The following CNTN5 variants were observed in gnomAD, a reference collection of about 807,000 sequenced individuals.
CNTN5 encodes contactin-5.
Under a neutral mutation model 129.1 loss-of-function variants are expected in CNTN5, and 77 were observed. The observed-to-expected ratio is 0.60, with a 90% CI of 0.50 to 0.72. CNTN5 has a LOEUF of 0.72. Among genes scored for constraint, CNTN5 ranks in the 30% least tolerant of loss-of-function variants. The pLI is 0.00. For missense variants in CNTN5, 1,478 were observed against 1,328.8 expected, an observed-to-expected ratio of 1.11 and a Z score of -1.75; for synonymous variants, 509 against 465.6, an observed-to-expected ratio of 1.09 and a Z score of -1.20.
intron 23 of CNTN5, among the ~76,000 whole-genome samples, chr11:100,345,018 T>C (rs1036657131): frequency 6.6e-5 from 10 of 152,126 alleles, no homozygotes; most frequent in Non-Finnish European, 1.5e-4. Context: ...ACTATAGAAA[T>C]AGCACAAGAT....
Position 99,135,590 on chromosome 11 carries a change from G to A in CNTN5, c.-210+114320G>A, listed in dbSNP as rs550083935. On this transcript the variant is annotated intron_variant, in intron 1 of 24. Coordinates refer to ENST00000524871, the MANE Select transcript of CNTN5 (RefSeq NM_014361.4). ...ATTTGGATTCTAAGTGCAATAGAAAGCCCTTTAAGATCTACCTTGCATAAT... is the reference window on the plus strand; with the variant it reads ...ATTTGGATTCTAAGTGCAATAGAAAACCCTTTAAGATCTACCTTGCATAAT... Among the ~76,000 whole-genome samples, 30 of 151,892 alleles carry A rather than the reference G, an allele frequency of 2.0e-4. No homozygotes were observed. In the East Asian group the frequency reaches 5.9e-3, roughly 30 times the overall value.
chr11:100,219,756 T>A (rs914845371), intron 15 of CNTN5, among the ~76,000 whole-genome samples: 1 of 152,216 alleles, frequency 6.6e-6, no homozygotes, highest in Non-Finnish European at 1.5e-5. Context: ...ATAATACACA[T>A]AAATGTTTTG....
chr11:99,819,752 C>T lies in CNTN5; in HGVS notation c.264C>T (p.Ala88=). 6.4e-7 allele frequency: 1 copy of T among 1,570,468 alleles called. No individual in the cohort carries two copies. Among genetic ancestry groups the T allele is most frequent in the South Asian group, 1.1e-5 (1 of 87,912 alleles). Residue 88 remains alanine, a synonymous_variant, in exon 4 of 25, where the codon GCC becomes GCT. Transcript: ENST00000524871. The stretch of plus-strand genomic sequence containing the variant: ...TCAATCTTTATCATTCCTCAGATGC[C>T]TTCAAACAAGATGGTAAGTGTCAAA... ...SPINLYHSSD[A]FKQDESVDYG... is the part of the protein sequence containing the mutation.
chr11:99,868,109 G>A (rs1021732057), intron 6 of CNTN5, among the ~76,000 whole-genome samples: 3 of 151,896 alleles, frequency 2.0e-5, no homozygotes, highest in Non-Finnish European at 2.9e-5. Context: ...CCAGCTACTC[G>A]GGAAGATGAG....
intron 7 of CNTN5, among the ~76,000 whole-genome samples, chr11:99,940,342 G>A (rs558251921): frequency 6.6e-6 from 1 of 152,202 alleles, no homozygotes; most frequent in East Asian, 1.9e-4. Context: ...AGAGATTGCT[G>A]ACTCTTTGAA....
At chr11:99,329,171 G>T (rs1865906448) in intron 2 of CNTN5, among the ~76,000 whole-genome samples, 1 of 152,098 alleles carries the variant, frequency 6.6e-6, no homozygotes, top group South Asian at 2.1e-4. Context: ...AACTGAATTT[G>T]CCCAAAGCAA....
chr11:99,559,186 C>T (rs1449027747), intron 3 of CNTN5, among the ~76,000 whole-genome samples: 3 of 152,040 alleles, frequency 2.0e-5, no homozygotes, highest in Non-Finnish European at 2.9e-5. Context: ...CTATTTGGCA[C>T]ACTGAGTTAA....
At chr11:99,383,771 G>A (rs1173112963) in intron 2 of CNTN5, among the ~76,000 whole-genome samples, 3 of 152,072 alleles carry the variant, frequency 2.0e-5, no homozygotes, top group Non-Finnish European at 4.4e-5. Context: ...GCTTTACCCT[G>A]GGTTTTTCCA....
At chr11:100,224,848 C>A (rs1949339342) in intron 16 of CNTN5, 36 bp downstream of exon 16, 1 of 1,606,690 alleles carries the variant, frequency 6.2e-7, no homozygotes, top group Non-Finnish European at 8.5e-7. Flanking sequence ...AAGACATGAT[C>A]ACCATAAATT....
rs5794033 is a variant in CNTN5, at chr11:99,995,326, TA to T, written c.878-6697del. Among the ~76,000 whole-genome samples the T allele has an allele frequency of 8.1e-3, 1,200 of 147,818 alleles. 13 individuals carry two copies. The highest frequency in any genetic ancestry group is 8.9e-3 in the Non-Finnish European group (591 of 66,642). ...ATTTTTTTCTCCTTTGCCAAAAAAT[TA>T]AAAAAAAAAACAATAAATACCACAA... On this transcript the variant is annotated intron_variant, in intron 8 of 24. Transcript: ENST00000524871.
At chr11:100,202,910 G>A (rs1948816922) in intron 15 of CNTN5, among the ~76,000 whole-genome samples, 1 of 152,044 alleles carries the variant, frequency 6.6e-6, no homozygotes. Flanking sequence ...TGCCATGAAC[G>A]ATGTTCCAAA....
chr11:99,493,629 C>CAT (rs1316078984), intron 2 of CNTN5, among the ~76,000 whole-genome samples: 1 of 152,090 alleles, frequency 6.6e-6, no homozygotes, highest in Admixed American at 6.6e-5. Flanking sequence ...AAAACAAATA[C>CAT]ATATATAATA....
At chr11:100,340,011 A>T (rs549564506) in intron 21 of CNTN5, among the ~76,000 whole-genome samples, 1 of 152,282 alleles carries the variant, frequency 6.6e-6, no homozygotes, top group Admixed American at 6.5e-5. Flanking sequence ...TTCTCCATTA[A>T]ACTGATACAG....
chr11:100,077,958 G>T (rs1591192557), intron 13 of CNTN5, among the ~76,000 whole-genome samples: 1 of 152,118 alleles, frequency 6.6e-6, no homozygotes, highest in Admixed American at 6.6e-5. Flanking sequence ...AGTCTTAATT[G>T]CAGGAAAATA....
intron 6 of CNTN5, among the ~76,000 whole-genome samples, chr11:99,875,993 G>T (rs980257178): frequency 1.3e-5 from 2 of 152,006 alleles, no homozygotes; most frequent in Non-Finnish European, 2.9e-5. Context: ...AACTCTCCAG[G>T]CTGGACATTG....
At chr11:99,347,105 G>T (rs1218410572) in intron 2 of CNTN5, among the ~76,000 whole-genome samples, 1 of 152,154 alleles carries the variant, frequency 6.6e-6, no homozygotes, top group East Asian at 1.9e-4. Context: ...TTCTTCCAGA[G>T]TTTTTACATC....
chr11:99,380,532 G>T (rs112959212), intron 2 of CNTN5, among the ~76,000 whole-genome samples: 5,129 of 152,198 alleles, frequency 0.034, 281 homozygotes, highest in African/African-American at 0.12. Context: ...CACTTCGGGA[G>T]GCTGAGGTAG....
chr11:99,704,875 A>G (rs909006587), intron 3 of CNTN5, among the ~76,000 whole-genome samples: 3 of 151,322 alleles, frequency 2.0e-5, no homozygotes, highest in African/African-American at 7.3e-5. Context: ...CCCAGAAGAT[A>G]GCATGTTTAT....
At chr11:99,966,208 G>C (rs113267437) in intron 8 of CNTN5, among the ~76,000 whole-genome samples, 549 of 152,294 alleles carry the variant, frequency 3.6e-3, no homozygotes, top group Non-Finnish European at 6.4e-3. Flanking sequence ...AGGGACATAT[G>C]CAAAGGCAGT....
Sources: allele counts gnomAD v4.1 joint callset (sites outside exome capture counted in the v4.1 genomes callset), GRCh38; gene constraint gnomAD v4.1.1; transcripts MANE v1.5; gene names NCBI Gene and HGNC (gene_info 2026-07-23, HGNC 2026-07-21).